The following ADAMTS17 variants were observed in gnomAD, a reference collection of about 807,000 sequenced individuals.
ADAMTS17 encodes A disintegrin and metalloproteinase with thrombospondin motifs 17.
ADAMTS17 carries 113 observed loss-of-function variants against 141.5 expected under a neutral mutation model. The ratio of observed to expected loss-of-function variants is 0.80; its 90% CI spans 0.69 to 0.93. The LOEUF (loss-of-function observed/expected upper bound fraction) is 0.93, where lower values mean the gene tolerates loss of function less well. Ranked by LOEUF, ADAMTS17 falls within the 40% of genes least tolerant of loss-of-function variation. The pLI, the probability that ADAMTS17 is intolerant of heterozygous loss-of-function variation, is 0.00. For synonymous variants in ADAMTS17, 768 were observed against 630.6 expected (o/e 1.22, Z -3.27); for missense variants, 1,659 against 1,517.9 (o/e 1.09, Z -1.54).
chr15:100,326,414 T>G (rs1716085710), intron 3 of ADAMTS17, among the ~76,000 whole-genome samples: 1 of 152,102 alleles, frequency 6.6e-6, no homozygotes, highest in African/African-American at 2.4e-5. Flanking sequence ...GGAACCAAAT[T>G]TCAGAGGGAT....
At chr15:100,209,150 A>C (rs1596282904) in intron 7 of ADAMTS17, among the ~76,000 whole-genome samples, 1 of 144,980 alleles carries the variant, frequency 6.9e-6, no homozygotes, top group East Asian at 2.0e-4. Context: ...AAGAAAGAAA[A>C]GGATTCTCAA....
Position 99,971,637 on chromosome 15 carries a change from T to G in ADAMTS17, c.*2765A>C, listed in dbSNP as rs1038983671. ...GTTAACGAATGGAAAATAGATACAT[T>G]TGACTCTGAAACGAAAAAAGGACAA... On this transcript the variant is annotated 3_prime_UTR_variant, in exon 22 of 22. Transcript: ENST00000268070. 7 of 152,226 alleles carry G rather than the reference T, an allele frequency of 4.6e-5. No individual in the cohort carries two copies. Among genetic ancestry groups the G allele is most frequent in the African/African-American group, 1.4e-4 (6 of 41,446 alleles). 9.4% of individuals were successfully genotyped at this position (152,226 alleles called of 1,614,324 possible).
chr15:100,301,759 C>A (rs1306968230), intron 3 of ADAMTS17, among the ~76,000 whole-genome samples: 1 of 152,094 alleles, frequency 6.6e-6, no homozygotes, highest in Non-Finnish European at 1.5e-5. Flanking sequence ...AAGTCAAGAA[C>A]AATTTGATTT....
At chr15:100,242,151 C>T in intron 7 of ADAMTS17, among the ~76,000 whole-genome samples, 1 of 152,200 alleles carries the variant, frequency 6.6e-6, no homozygotes, top group East Asian at 1.9e-4. Context: ...CCTCAAATTG[C>T]AGTTCTGACT....
intron 8 of ADAMTS17, among the ~76,000 whole-genome samples, chr15:100,166,296 C>A (rs904082885): frequency 5.9e-5 from 9 of 152,216 alleles, no homozygotes; most frequent in African/African-American, 2.2e-4. Context: ...TGATGAACAT[C>A]TACTGCTTCC....
chr15:100,273,959 G>A (rs1486314729), intron 4 of ADAMTS17, among the ~76,000 whole-genome samples: 3 of 152,006 alleles, frequency 2.0e-5, no homozygotes, highest in Admixed American at 2.0e-4. Flanking sequence ...AATAGTATGT[G>A]GTTTAATTTC....
intron 8 of ADAMTS17, among the ~76,000 whole-genome samples, chr15:100,196,712 G>A (rs2041131145): frequency 6.6e-6 from 1 of 152,232 alleles, no homozygotes. Context: ...TTTCGTGTCT[G>A]TGAAACAGCC....
At chr15:99,977,239 A>T (rs2060354448) in intron 20 of ADAMTS17, among the ~76,000 whole-genome samples, 1 of 150,198 alleles carries the variant, frequency 6.7e-6, no homozygotes, top group East Asian at 2.0e-4. Context: ...CAGCATGAGG[A>T]GGTGCCGTGT....
intron 3 of ADAMTS17, among the ~76,000 whole-genome samples, chr15:100,327,121 AC>A (rs1293772063): frequency 6.6e-6 from 1 of 152,290 alleles, no homozygotes; most frequent in East Asian, 1.9e-4. Flanking sequence ...AATAACTCCC[AC>A]AAGCTTAGCG....
chr15:100,075,621 A>G (rs936403080), intron 15 of ADAMTS17, among the ~76,000 whole-genome samples: 2 of 152,210 alleles, frequency 1.3e-5, no homozygotes, highest in Non-Finnish European at 2.9e-5. Flanking sequence ...TCTAATAACT[A>G]TTAGGCTATT....
intron 7 of ADAMTS17, among the ~76,000 whole-genome samples, chr15:100,227,852 A>G (rs2042358542): frequency 1.3e-5 from 2 of 152,240 alleles, no homozygotes; most frequent in African/African-American, 4.8e-5. Context: ...CCAGCAATGT[A>G]TAAGAGAGGG....
At chr15:100,021,122 A>G (rs1346633536) in intron 18 of ADAMTS17, among the ~76,000 whole-genome samples, 2 of 152,150 alleles carry the variant, frequency 1.3e-5, no homozygotes, top group African/African-American at 4.8e-5. Flanking sequence ...ACTAGGGAAC[A>G]GGGCATAGGG....
intron 14 of ADAMTS17, among the ~76,000 whole-genome samples, chr15:100,105,862 G>A (rs1026881135): frequency 2.1e-4 from 32 of 152,074 alleles, no homozygotes; most frequent in African/African-American, 7.7e-4. Flanking sequence ...TAATTTTTTT[G>A]TATTTTTAGT....
At chr15:100,148,962 C>T (rs990569647) in intron 10 of ADAMTS17, among the ~76,000 whole-genome samples, 3 of 152,068 alleles carry the variant, frequency 2.0e-5, no homozygotes, top group Non-Finnish European at 2.9e-5. Flanking sequence ...AAAAGGAAAA[C>T]CAGTACAGCT....
chr15:100,058,391 TGAG>T (rs2141632742), intron 15 of ADAMTS17, among the ~76,000 whole-genome samples: 1 of 56,796 alleles, frequency 1.8e-5, no homozygotes, highest in South Asian at 6.5e-4. Flanking sequence ...CTAACACTCC[TGAG>T]GAGGTGACTC....
intron 15 of ADAMTS17, among the ~76,000 whole-genome samples, chr15:100,055,183 A>G (rs1050799787): frequency 1.3e-5 from 2 of 152,132 alleles, no homozygotes; most frequent in Non-Finnish European, 2.9e-5. Context: ...ACTGATCTAC[A>G]TATATCTCAT....
intron 8 of ADAMTS17, among the ~76,000 whole-genome samples, chr15:100,180,618 G>A (rs942757464): frequency 2.6e-5 from 4 of 152,090 alleles, no homozygotes; most frequent in African/African-American, 9.7e-5. Context: ...TAGTATGGAT[G>A]TTTTAACAGT....
intron 4 of ADAMTS17, among the ~76,000 whole-genome samples, chr15:100,276,277 T>G (rs1254494785): frequency 2.9e-4 from 1 of 3,444 alleles, no homozygotes; most frequent in African/African-American, 1.5e-3. Flanking sequence ...GGTGGGAGGG[T>G]GGGAGGGAGT....
chr15:99,988,214 G>A (rs2060628158), intron 20 of ADAMTS17, among the ~76,000 whole-genome samples: 1 of 152,202 alleles, frequency 6.6e-6, no homozygotes. Flanking sequence ...GTGGGGCCTG[G>A]TGGGAGGTGT....
Sources: allele counts gnomAD v4.1 joint callset (sites outside exome capture counted in the v4.1 genomes callset), GRCh38; gene constraint gnomAD v4.1.1; transcripts MANE v1.5; gene names NCBI Gene and HGNC (gene_info 2026-07-23, HGNC 2026-07-21).